The following KIF11 variants were observed in gnomAD, a reference collection of about 807,000 sequenced individuals.
KIF11 encodes the protein kinesin family member 11, also known as kinesin-like protein KIF11.
A neutral mutation model predicts 121.0 loss-of-function variants in KIF11; 9 were observed. That is an observed-to-expected ratio of 0.07 (90% confidence interval 0.04 to 0.13). The LOEUF (loss-of-function observed/expected upper bound fraction) is 0.13. Among genes scored for constraint, KIF11 ranks in the 10% least tolerant of loss-of-function variants. The pLI, the probability that KIF11 is intolerant of heterozygous loss-of-function variation, is 1.00. For synonymous variants in KIF11, 408 were observed against 421.0 expected (o/e 0.97, Z 0.38); for missense variants, 846 against 1,217.5 (o/e 0.69, Z 4.54).
chr10:92,614,101 A>T (rs1589594225), intron 8 of KIF11, among the ~76,000 whole-genome samples: 3 of 133,438 alleles, frequency 2.2e-5, no homozygotes, highest in African/African-American at 5.7e-5. Context: ...TAGTAGCTTC[A>T]TTTTTTTTTT....
rs562001965 is a variant in KIF11, at chr10:92,593,752, A to G, written c.77+300A>G. ...TACTTCATGTAGTTTGTCAGTTTGGAAGTAAGACTGAATACCTATTTTGCA... is the reference window on the plus strand; with the variant it reads ...TACTTCATGTAGTTTGTCAGTTTGGGAGTAAGACTGAATACCTATTTTGCA... On this transcript the variant is annotated intron_variant, in intron 1 of 21. Coordinates refer to ENST00000260731, the MANE Select transcript of KIF11 (RefSeq NM_004523.4). 3.3e-5 allele frequency among the ~76,000 whole-genome samples: 5 copies of G among 152,318 alleles called. No individual in the cohort carries two copies. In the East Asian group the frequency reaches 7.7e-4, roughly 24 times the overall value.
At chr10:92,619,261 C>A (rs1284691932) in intron 9 of KIF11, among the ~76,000 whole-genome samples, 2 of 152,198 alleles carry the variant, frequency 1.3e-5, no homozygotes, top group East Asian at 3.9e-4. Flanking sequence ...TTGTGATCCA[C>A]CCACCTTGGC....
At chr10:92,631,558 T>A (rs1171547851) in intron 12 of KIF11, among the ~76,000 whole-genome samples, 1 of 150,284 alleles carries the variant, frequency 6.7e-6, no homozygotes, top group Non-Finnish European at 1.5e-5. Flanking sequence ...AGACGGGGTT[T>A]CACCTTGTTA....
rs989136698 is a variant in KIF11 at position 92,593,463 on chromosome 10, G to A, written c.77+11G>A. The A allele has an allele frequency of 1.2e-6, 2 of 1,605,948 alleles. No homozygotes were observed. The highest frequency in any genetic ancestry group is 2.2e-5 in the East Asian group (1 of 44,660). On this transcript the variant is annotated intron_variant, in intron 1 of 21. Transcript: ENST00000260731. Reference sequence around the variant, plus strand: ...GGTGGTGAGATGCAGGTAGGGAGAGGGCTGACAGGATTCCGAGCGCTGCGG... The same window carrying A: ...GGTGGTGAGATGCAGGTAGGGAGAGAGCTGACAGGATTCCGAGCGCTGCGG...
intron 1 of KIF11, among the ~76,000 whole-genome samples, chr10:92,593,751 GAAGT>G (rs765209788): frequency 2.0e-5 from 3 of 152,176 alleles, no homozygotes; most frequent in Non-Finnish European, 2.9e-5. Flanking sequence ...TGTCAGTTTG[GAAGT>G]AAGACTGAAT....
intron 18 of KIF11, among the ~76,000 whole-genome samples, chr10:92,647,402 C>T (rs188812491): frequency 9.2e-5 from 14 of 152,082 alleles, no homozygotes; most frequent in Admixed American, 6.5e-4. Context: ...AAGAATGGGC[C>T]CTTTCACTCC....
intron 16 of KIF11, among the ~76,000 whole-genome samples, chr10:92,638,058 T>C (rs1844825642): frequency 6.6e-6 from 1 of 152,200 alleles, no homozygotes; most frequent in Non-Finnish European, 1.5e-5. Context: ...TGTTCCTCAT[T>C]ATATGAGGCT....
chr10:92,612,330 G>T (rs2135904505), intron 6 of KIF11, among the ~76,000 whole-genome samples: 2 of 152,076 alleles, frequency 1.3e-5, no homozygotes, highest in East Asian at 3.9e-4. Context: ...AGAGATGATG[G>T]TCCCACTATG....
rs1195306795 is a variant in KIF11 at position 92,593,314 on chromosome 10, C to T, written c.-62C>T. On this transcript the variant is annotated 5_prime_UTR_variant, in exon 1 of 22. Coordinates refer to ENST00000260731, the MANE Select transcript of KIF11 (RefSeq NM_004523.4). ...CTCCGGCCCCTGTCGGCCGCCAAGC[C>T]CCTCCGCCCCTCACAGCGCCCAGGT... 1.1e-5 allele frequency: 17 copies of T among 1,529,158 alleles called. No homozygotes were observed. The highest frequency in any genetic ancestry group is 1.4e-5 in the African/African-American group (1 of 73,274). 94.7% of individuals were successfully genotyped at this position (1,529,158 alleles called of 1,614,324 possible).
At position 92,606,645 on chromosome 10, in the gene KIF11, T is replaced by G. The variant is rs1661349303; in HGVS notation, c.237T>G (p.Ile79Met). The change falls in exon 3 of 22, where the codon ATT becomes ATG. Residue 79 changes from isoleucine (I) to methionine (M), a missense_variant. By Grantham distance (10) the Ile-to-Met change is conservative. Around this residue, in one of 5 missense-constraint regions of KIF11, gnomAD observed 140 missense variants for 193.5 expected, o/e 0.72. Coordinates refer to ENST00000260731, the MANE Select transcript of KIF11 (RefSeq NM_004523.4). ...TGTTTGGAGCATCTACTAAACAGAT[T>G]GATGTTTACCGAAGTGTTGTTTGTC... ...DMVFGASTKQ[I>M]DVYRSVVCPI... 1 of 1,592,042 alleles carries G rather than the reference T, an allele frequency of 6.3e-7. No individual in the cohort carries two copies. Among genetic ancestry groups the G allele is most frequent in the Non-Finnish European group, 8.6e-7 (1 of 1,160,364 alleles).
chr10:92,651,526 T>A (rs1441257160), intron 21 of KIF11, among the ~76,000 whole-genome samples: 3,440 of 105,286 alleles, frequency 0.033, 320 homozygotes, highest in African/African-American at 0.058. Flanking sequence ...TTTTTTTTTT[T>A]TTTTTTTTTT....
At chr10:92,628,511 G>C (rs1036873999) in intron 10 of KIF11, among the ~76,000 whole-genome samples, 4 of 152,122 alleles carry the variant, frequency 2.6e-5, no homozygotes, top group East Asian at 1.9e-4. Context: ...TAGCTTTCTA[G>C]CTTCTCAAAT....
intron 9 of KIF11, among the ~76,000 whole-genome samples, chr10:92,618,416 A>G (rs1245122711): frequency 6.6e-6 from 1 of 151,814 alleles, no homozygotes; most frequent in African/African-American, 2.4e-5. Context: ...AGGCCGAGGT[A>G]GGCGGATTGC....
chr10:92,645,309 T>G, intron 17 of KIF11, 54 bp from the exon 18 acceptor site: 1 of 1,342,394 alleles, frequency 7.4e-7, no homozygotes, highest in Non-Finnish European at 1.0e-6. Context: ...GGAAGTTATA[T>G]ATCCTTTGAG....
intron 1 of KIF11, among the ~76,000 whole-genome samples, chr10:92,602,196 A>G (rs1486093169): frequency 6.6e-6 from 1 of 152,174 alleles, no homozygotes; most frequent in Non-Finnish European, 1.5e-5. Context: ...ATCAGTGTTC[A>G]TAAGGGATAG....
At chr10:92,639,447 C>T (rs1191890462) in intron 16 of KIF11, among the ~76,000 whole-genome samples, 1 of 151,928 alleles carries the variant, frequency 6.6e-6, no homozygotes, top group African/African-American at 2.4e-5. Context: ...TTTAAATTAG[C>T]CAGGCATGGT....
chr10:92,632,677 A>G lies in KIF11; in HGVS notation c.1686A>G (p.Val562=), dbSNP rs377725198. 1 of 1,603,070 alleles carries G rather than the reference A, an allele frequency of 6.2e-7. No homozygotes were observed. The highest frequency in any genetic ancestry group is 1.3e-5 in the African/African-American group (1 of 74,340). Residue 562 remains valine, a synonymous_variant, in exon 13 of 22, where the codon GTA becomes GTG. Transcript: ENST00000260731. ...CAAAGCAAAAGGCCATGCTAGAAGT[A>G]CATAAGACCTTATTTGGTAAGTTCA... ...GSSKQKAMLE[V]HKTLFGNLLS... is the part of the protein sequence containing the mutation.
intron 8 of KIF11, among the ~76,000 whole-genome samples, chr10:92,614,438 T>C (rs1844531998): frequency 2.0e-5 from 3 of 152,176 alleles, no homozygotes; most frequent in African/African-American, 7.2e-5. Flanking sequence ...AATCTGGACA[T>C]TGCATATGAA....
chr10:92,631,354 A>ATT (rs1247892671), intron 12 of KIF11, among the ~76,000 whole-genome samples: 84 of 131,938 alleles, frequency 6.4e-4, no homozygotes, highest in African/African-American at 2.0e-3. Context: ...AAAGTATTTA[A>ATT]TTTTTTTTTT....
Sources: allele counts gnomAD v4.1 joint callset (sites outside exome capture counted in the v4.1 genomes callset), GRCh38; gene constraint gnomAD v4.1.1; regional missense constraint gnomAD v4.1.1; transcripts MANE v1.5; gene names NCBI Gene and HGNC (gene_info 2026-07-23, HGNC 2026-07-21).